Variants in DOCK2 observed in about 807,000 individuals in gnomAD.
DOCK2 encodes the protein dedicator of cytokinesis 2.
A neutral mutation model predicts 248.9 loss-of-function variants in DOCK2; 87 were observed. That is an observed-to-expected ratio of 0.35 (90% CI 0.29 to 0.42). The LOEUF (loss-of-function observed/expected upper bound fraction) is 0.42. Among genes scored for constraint, DOCK2 ranks in the 10% least tolerant of loss-of-function variants. DOCK2 has a pLI of 1.00. For synonymous variants in DOCK2, 805 were observed against 821.6 expected (o/e 0.98, Z 0.35); for missense variants, 1,747 against 2,300.2 (o/e 0.76, Z 4.92).
intron 26 of DOCK2, among the ~76,000 whole-genome samples, chr5:169,815,654 AC>A: frequency 6.6e-6 from 1 of 152,328 alleles, no homozygotes; most frequent in South Asian, 2.1e-4. Context: ...AATTTTTTAA[AC>A]AAAAAAATTG....
intron 25 of DOCK2, among the ~76,000 whole-genome samples, chr5:169,784,540 G>T (rs1165988226): frequency 1.3e-5 from 2 of 152,186 alleles, no homozygotes; most frequent in Non-Finnish European, 2.9e-5. Flanking sequence ...TTTCAGGTGT[G>T]TACAAATAGA....
At chr5:170,035,110 C>A (rs1756277165) in intron 35 of DOCK2, among the ~76,000 whole-genome samples, 1 of 152,176 alleles carries the variant, frequency 6.6e-6, no homozygotes, top group Admixed American at 6.5e-5. Context: ...AGAAGCTAAC[C>A]CCAGACCCAA....
intron 51 of DOCK2, 67 bp from the exon 52 acceptor site, chr5:170,082,728 GA>G: frequency 6.3e-7 from 1 of 1,584,522 alleles, no homozygotes. Context: ...TTAGGACTGG[GA>G]AGCTCCATTT....
At chr5:169,725,682 G>A (rs1440117933) in intron 22 of DOCK2, among the ~76,000 whole-genome samples, 1 of 149,570 alleles carries the variant, frequency 6.7e-6, no homozygotes, top group African/African-American at 2.5e-5. Context: ...ACAGGCCCCG[G>A]TGTGTGATGT....
At chr5:169,983,453 T>C (rs901616187) in intron 28 of DOCK2, among the ~76,000 whole-genome samples, 2 of 152,192 alleles carry the variant, frequency 1.3e-5, no homozygotes, top group Non-Finnish European at 2.9e-5. Context: ...ATGTCATTTA[T>C]GTCATAGGGC....
chr5:170,029,384 G>A (rs1175467687), intron 34 of DOCK2, among the ~76,000 whole-genome samples: 1 of 152,128 alleles, frequency 6.6e-6, no homozygotes, highest in East Asian at 1.9e-4. Flanking sequence ...TGTGCTTATG[G>A]GTCGCTTGTA....
chr5:169,889,142 T>C (rs1441765823), intron 27 of DOCK2, among the ~76,000 whole-genome samples: 1 of 152,222 alleles, frequency 6.6e-6, no homozygotes, highest in African/African-American at 2.4e-5. Flanking sequence ...TATAATCCTG[T>C]ATTATCTAAT....
Position 170,082,828 on chromosome 5 carries a change from G to C in DOCK2, c.5463G>C (p.Gln1821His), listed in dbSNP as rs1469934873. 6.2e-7 allele frequency: 1 copy of C among 1,614,214 alleles called. No homozygotes were observed. The highest frequency in any genetic ancestry group is 8.5e-7 in the Non-Finnish European group (1 of 1,180,030). Residue 1821 changes from glutamine (Q) to histidine (H), a missense_variant, in exon 52 of 52, where the codon CAG becomes CAC. By Grantham distance (24) the Gln-to-His change is conservative. Coordinates refer to ENST00000520908, the MANE Select transcript of DOCK2 (RefSeq NM_004946.3). ...GCAAATCGGCTGAAGAAGGCAAACA[G>C]ATCCCAGACTCGCTGTCCACGGACC... The part of the protein sequence containing the change: ...LASKSAEEGK[Q>H]IPDSLSTDL
intron 26 of DOCK2, among the ~76,000 whole-genome samples, chr5:169,833,712 G>C (rs139601671): frequency 1.3e-5 from 2 of 152,168 alleles, no homozygotes; most frequent in Non-Finnish European, 2.9e-5. Context: ...TCAAAAGCAG[G>C]TTTCAATCAA....
At chr5:169,871,336 C>T (rs1223784308) in intron 27 of DOCK2, among the ~76,000 whole-genome samples, 2 of 152,072 alleles carry the variant, frequency 1.3e-5, no homozygotes, top group Non-Finnish European at 2.9e-5. Flanking sequence ...AAAGAGAGTA[C>T]CTGGGCCACA....
intron 39 of DOCK2, among the ~76,000 whole-genome samples, chr5:170,046,874 T>C (rs1433814715): frequency 2.6e-5 from 4 of 152,172 alleles, no homozygotes; most frequent in African/African-American, 9.7e-5. Flanking sequence ...GATCCACATA[T>C]ATCTTCCAGA....
At chr5:170,059,431 C>G (rs1006201661) in intron 44 of DOCK2, among the ~76,000 whole-genome samples, 1 of 152,152 alleles carries the variant, frequency 6.6e-6, no homozygotes, top group African/African-American at 2.4e-5. Flanking sequence ...CCTGGTGGTG[C>G]TCAGCAAGGC....
intron 22 of DOCK2, among the ~76,000 whole-genome samples, chr5:169,733,703 A>G (rs139620768): frequency 6.6e-6 from 1 of 152,044 alleles, no homozygotes; most frequent in Non-Finnish European, 1.5e-5. Flanking sequence ...GTTTTTCTAG[A>G]TATAGACTTA....
At chr5:169,857,142 T>A (rs1233088153) in intron 27 of DOCK2, among the ~76,000 whole-genome samples, 1 of 152,226 alleles carries the variant, frequency 6.6e-6, no homozygotes, top group African/African-American at 2.4e-5. Flanking sequence ...TCTCTTAAAT[T>A]GCATTTTCTC....
intron 29 of DOCK2, among the ~76,000 whole-genome samples, chr5:169,993,551 G>GTGTGTGTGTT (rs1778262143): frequency 1.3e-5 from 2 of 149,974 alleles, no homozygotes; most frequent in African/African-American, 4.9e-5. Context: ...ACATCCATTT[G>GTGTGTGTGTT]TGTGTGTGTG....
chr5:169,870,324 A>G (rs1450774504), intron 27 of DOCK2, among the ~76,000 whole-genome samples: 2 of 152,130 alleles, frequency 1.3e-5, no homozygotes, highest in Non-Finnish European at 1.5e-5. Flanking sequence ...TTTTCTAGGT[A>G]ATTGGAAGCA....
At chr5:169,843,311 T>TC in intron 27 of DOCK2, among the ~76,000 whole-genome samples, 1 of 152,032 alleles carries the variant, frequency 6.6e-6, no homozygotes, top group Middle Eastern at 3.2e-3. Flanking sequence ...TTTACCTTTT[T>TC]TTTAAAAGCA....
chr5:169,885,812 G>A (rs997863187), intron 27 of DOCK2, among the ~76,000 whole-genome samples: 2 of 152,216 alleles, frequency 1.3e-5, no homozygotes, highest in African/African-American at 2.4e-5. Flanking sequence ...GAAGGGTTAA[G>A]TAACTTGCCT....
chr5:169,933,113 C>T (rs1471837578), intron 27 of DOCK2, among the ~76,000 whole-genome samples: 2 of 152,344 alleles, frequency 1.3e-5, no homozygotes, highest in East Asian at 3.9e-4. Context: ...ACTCCCGACC[C>T]TCTCACCTGA....
Sources: gnomAD v4.1 joint callset for allele counts (sites outside exome capture counted in the v4.1 genomes callset) on GRCh38, gnomAD v4.1.1 for gene constraint, MANE v1.5 for transcripts, NCBI Gene and HGNC (gene_info 2026-07-23, HGNC 2026-07-21) for gene names.